The following INPP4A variants were observed in gnomAD, a reference collection of about 807,000 sequenced individuals.
The protein encoded by INPP4A is inositol polyphosphate-4-phosphatase type I A.
Under a neutral mutation model 119.8 loss-of-function variants are expected in INPP4A, and 33 were observed. That is an observed-to-expected ratio of 0.28 (90% CI 0.21 to 0.37). The LOEUF (loss-of-function observed/expected upper bound fraction) is 0.37, where lower values mean the gene tolerates loss of function less well. Among genes scored for constraint, INPP4A ranks in the 10% least tolerant of loss-of-function variants. The probability of loss-of-function intolerance (pLI) is 1.00; values close to 1 mark genes in which losing one functional copy is unlikely to be tolerated. For synonymous variants in INPP4A, 496 were observed against 500.7 expected, an observed-to-expected ratio of 0.99 and a Z score of 0.12; for missense variants, 956 against 1,289.9, an observed-to-expected ratio of 0.74 and a Z score of 3.97.
intron 21 of INPP4A, 55 bp from the exon 22 acceptor site, chr2:98,568,516 A>G: frequency 1.2e-6 from 1 of 827,786 alleles, no homozygotes; most frequent in Non-Finnish European, 2.0e-6. Context: ...AGTTGTGTTC[A>G]TGTTAGAAGA....
chr2:98,519,989 C>T lies in INPP4A; in HGVS notation c.-60C>T. On this transcript the variant is annotated 5_prime_UTR_variant, in exon 3 of 25. Coordinates refer to ENST00000409851, the MANE Select transcript of INPP4A (RefSeq NM_001134225.2). ...GGACTAGGGCTCGGTGCCAGCACTTCCCGGGTAATCAGGCGTGGTCTGACC... is the reference window on the plus strand; with the variant it reads ...GGACTAGGGCTCGGTGCCAGCACTTTCCGGGTAATCAGGCGTGGTCTGACC... The T allele has an allele frequency of 7.1e-7, 1 of 1,405,984 alleles. No homozygotes were observed. Among genetic ancestry groups the T allele is most frequent in the South Asian group, 1.2e-5 (1 of 80,894 alleles). The allele number at this position is 1,405,984 out of a possible 1,614,324, so 87.1% of individuals were successfully genotyped here.
At chr2:98,471,562 T>C (rs1328652799) in intron 1 of INPP4A, among the ~76,000 whole-genome samples, 1 of 152,166 alleles carries the variant, frequency 6.6e-6, no homozygotes, top group Non-Finnish European at 1.5e-5. Context: ...TGCTGCTGCT[T>C]CTCACAGGCT....
chr2:98,563,485 T>C lies in INPP4A; in HGVS notation c.1876T>C (p.Tyr626His), dbSNP rs1040233455. Residue 626 changes from tyrosine to histidine, a missense_variant, in exon 18 of 25, where the codon TAC becomes CAC. Tyr to His is a moderately conservative substitution (Grantham distance 83). This residue lies in a region of INPP4A where 304 missense variants were observed against 492.1 expected (regional missense o/e 0.62). Transcript: ENST00000409851. Reference protein sequence around the residue: ...SSPGEWSEALYPLLTTLTDCV... With the variant: ...SSPGEWSEALHPLLTTLTDCV... Reference sequence around the variant, plus strand: ...CCCAGGTGAATGGAGTGAGGCCCTTTACCCGCTGCTGACCACTCTCACCGA... The same window carrying C: ...CCCAGGTGAATGGAGTGAGGCCCTTCACCCGCTGCTGACCACTCTCACCGA... 6.2e-7 allele frequency: 1 copy of C among 1,613,156 alleles called. No individual in the cohort carries two copies. Among genetic ancestry groups the C allele is most frequent in the Non-Finnish European group, 8.5e-7 (1 of 1,179,602 alleles).
intron 1 of INPP4A, among the ~76,000 whole-genome samples, chr2:98,516,022 G>T (rs958155201): frequency 1.3e-5 from 2 of 152,106 alleles, no homozygotes; most frequent in African/African-American, 4.8e-5. Context: ...TTGACCCCAA[G>T]AAAAAATTCC....
rs147271803 is a variant in INPP4A at position 98,588,466 on chromosome 2, T to C, written c.*858T>C. The C allele has an allele frequency of 8.5e-4, 178 of 208,250 alleles. No homozygotes were observed. Among genetic ancestry groups the C allele is most frequent in the African/African-American group, 3.8e-3 (166 of 44,056 alleles). The allele number at this position is 208,250 out of a possible 1,614,324, so 12.9% of individuals were successfully genotyped here. ...CACTCCCATGGGGAATTTATGACCA[T>C]AGAGATAGTAGAAACCTAAATATTT... On this transcript the variant is annotated 3_prime_UTR_variant, in exon 25 of 25. Transcript: ENST00000409851.
In INPP4A at chr2:98,560,076, G is replaced by T. The variant is rs192220150; in HGVS notation, c.1855+581G>T. 3.0e-3 allele frequency among the ~76,000 whole-genome samples: 459 copies of T among 152,314 alleles called. 2 individuals are homozygous for T. The highest frequency in any genetic ancestry group is 5.1e-3 in the Non-Finnish European group (346 of 68,030). On this transcript the variant is annotated intron_variant, in intron 17 of 24. Transcript: ENST00000409851. Reference sequence around the variant, plus strand: ...CAGTGCCAGAGTTCGTTGCAGCAGAGAACCCGTGGCCTTCAAAGCCTAAAA... The same window carrying T: ...CAGTGCCAGAGTTCGTTGCAGCAGATAACCCGTGGCCTTCAAAGCCTAAAA...
intron 1 of INPP4A, among the ~76,000 whole-genome samples, chr2:98,452,645 G>GC (rs543359858): frequency 2.8e-4 from 43 of 152,182 alleles, no homozygotes; most frequent in Admixed American, 2.8e-3. Flanking sequence ...TCCTTCCCCT[G>GC]CCCCCCATTC....
chr2:98,578,659 G>A (rs1196335850), intron 24 of INPP4A, among the ~76,000 whole-genome samples: 1 of 152,252 alleles, frequency 6.6e-6, no homozygotes, highest in African/African-American at 2.4e-5. Flanking sequence ...CACTTGGGTT[G>A]TGTGCTCAGG....
At chr2:98,499,570 T>C (rs1303215468) in intron 1 of INPP4A, among the ~76,000 whole-genome samples, 1 of 152,240 alleles carries the variant, frequency 6.6e-6, no homozygotes, top group Non-Finnish European at 1.5e-5. Flanking sequence ...CTGATATGTT[T>C]GGAGGCTTAC....
Position 98,589,099 on chromosome 2 carries a change from C to G in INPP4A, c.*1491C>G, listed in dbSNP as rs888336078. 1 of 179,702 alleles carries G rather than the reference C, an allele frequency of 5.6e-6. No individual in the cohort carries two copies. The highest frequency in any genetic ancestry group is 2.0e-4 in the South Asian group (1 of 5,060). The allele number at this position is 179,702 out of a possible 1,614,324, so 11.1% of individuals were successfully genotyped here. ...TACTCAGAAGTCAGCATGCAAGCAG[C>G]GCCTGCTGTCTCCCGATGCCTGCAG... On this transcript the variant is annotated 3_prime_UTR_variant, in exon 25 of 25. Coordinates refer to ENST00000409851, the MANE Select transcript of INPP4A (RefSeq NM_001134225.2).
intron 16 of INPP4A, among the ~76,000 whole-genome samples, chr2:98,557,785 G>T (rs538886620): frequency 1.3e-5 from 2 of 152,342 alleles, no homozygotes; most frequent in South Asian, 4.1e-4. Flanking sequence ...ACAAGTCCCT[G>T]CCAGCCAAAA....
In INPP4A at chr2:98,588,679, A is replaced by C; in HGVS notation, c.*1071A>C. On this transcript the variant is annotated 3_prime_UTR_variant, in exon 25 of 25. Transcript: ENST00000409851. ...TTTATTCTCCTCAAATGAGATTTTG[A>C]AAGGGATTTATGGGCCATAAAACTT... 1 of 222,818 alleles carries C rather than the reference A, an allele frequency of 4.5e-6. No homozygotes were observed. The highest frequency in any genetic ancestry group is 9.0e-6 in the Non-Finnish European group (1 of 111,568). The allele number at this position is 222,818 out of a possible 1,614,324, so 13.8% of individuals were successfully genotyped here.
chr2:98,468,721 G>T (rs1011332553), intron 1 of INPP4A, among the ~76,000 whole-genome samples: 2 of 152,188 alleles, frequency 1.3e-5, no homozygotes, highest in Non-Finnish European at 2.9e-5. Flanking sequence ...ACTGCAGTTT[G>T]TGAAGGATGA....
At chr2:98,541,282 ACG>A (rs1388986500) in intron 10 of INPP4A, among the ~76,000 whole-genome samples, 2 of 151,570 alleles carry the variant, frequency 1.3e-5, no homozygotes, top group Non-Finnish European at 2.9e-5. Context: ...AGCCGAGATC[ACG>A]CCACTGCACT....
At chr2:98,559,675 T>C (rs1478343468) in intron 17 of INPP4A, among the ~76,000 whole-genome samples, 180 bp downstream of exon 17, 3 of 152,222 alleles carry the variant, frequency 2.0e-5, no homozygotes, top group Non-Finnish European at 2.9e-5. Flanking sequence ...CCAGTTGGGC[T>C]GAGGAAATTG....
At chr2:98,541,284 G>A (rs1309425652) in intron 10 of INPP4A, among the ~76,000 whole-genome samples, 3 of 149,942 alleles carry the variant, frequency 2.0e-5, no homozygotes, top group African/African-American at 4.9e-5. Context: ...CCGAGATCAC[G>A]CCACTGCACT....
intron 10 of INPP4A, among the ~76,000 whole-genome samples, chr2:98,543,003 C>T (rs771563166): frequency 7.2e-5 from 11 of 151,918 alleles, no homozygotes; most frequent in Non-Finnish European, 1.0e-4. Flanking sequence ...CACTGCAAGC[C>T]CCGCCTCCCA....
intron 1 of INPP4A, among the ~76,000 whole-genome samples, chr2:98,461,938 GT>G (rs1179292080): frequency 6.6e-6 from 1 of 152,216 alleles, no homozygotes. Context: ...TAATACGTTA[GT>G]TTTGTGAAGG....
At chr2:98,527,621 C>T (rs1688420502) in intron 4 of INPP4A, among the ~76,000 whole-genome samples, 1 of 152,120 alleles carries the variant, frequency 6.6e-6, no homozygotes, top group African/African-American at 2.4e-5. Flanking sequence ...TGAGATTGAC[C>T]CTGAGGTTCT....
Sources: gnomAD v4.1 joint callset for allele counts (sites outside exome capture counted in the v4.1 genomes callset) on GRCh38, gnomAD v4.1.1 for gene constraint, gnomAD v4.1.1 regional missense constraint, MANE v1.5 for transcripts, NCBI Gene and HGNC (gene_info 2026-07-23, HGNC 2026-07-21) for gene names.